ADGRL3: variants seen among roughly 807,000 people sequenced by gnomAD.
ADGRL3 encodes the protein adhesion G protein-coupled receptor L3.
In ADGRL3, 62 loss-of-function variants were observed where a neutral mutation model predicts 153.5. The ratio of observed to expected loss-of-function variants is 0.40; its 90% CI spans 0.33 to 0.50. The LOEUF is 0.50. ADGRL3 is among the 20% of genes least tolerant of loss of function. The pLI is 0.47. For missense variants in ADGRL3, 1,641 were observed against 1,859.4 expected (o/e 0.88, Z 2.16); for synonymous variants, 710 against 672.5 (o/e 1.06, Z -0.86).
chr4:61,733,599 T>C (rs760622724), intron 8 of ADGRL3, 45 bp downstream of exon 8: 1 of 1,340,582 alleles, frequency 7.5e-7, no homozygotes, highest in Non-Finnish European at 1.0e-6. Flanking sequence ...ATATTTACTG[T>C]TTGTTCTCAG....
chr4:61,776,275 C>A (rs922235516), intron 8 of ADGRL3, among the ~76,000 whole-genome samples: 1 of 152,094 alleles, frequency 6.6e-6, no homozygotes, highest in Non-Finnish European at 1.5e-5. Context: ...AGGCCTCACG[C>A]GCCGAAAAGG....
At chr4:61,974,387 GTTC>G (rs1384828298) in intron 17 of ADGRL3, among the ~76,000 whole-genome samples, 1 of 151,994 alleles carries the variant, frequency 6.6e-6, no homozygotes, top group Non-Finnish European at 1.5e-5. Flanking sequence ...ATTTTTTGGT[GTTC>G]TTAGTTAAAA....
chr4:61,392,898 A>G (rs969152429), intron 2 of ADGRL3, among the ~76,000 whole-genome samples: 1 of 151,868 alleles, frequency 6.6e-6, no homozygotes, highest in East Asian at 1.9e-4. Context: ...AATAAACACT[A>G]AAAATCATCA....
At chr4:61,954,694 C>G (rs1017839591) in intron 17 of ADGRL3, among the ~76,000 whole-genome samples, 1 of 152,026 alleles carries the variant, frequency 6.6e-6, no homozygotes, top group Non-Finnish European at 1.5e-5. Context: ...CCTAGTTAGA[C>G]CTAAGTGTCT....
Position 61,983,388 on chromosome 4 carries a change from C to T in ADGRL3, c.3021C>T (p.Ala1007=), listed in dbSNP as rs760259881. The T allele has an allele frequency of 6.8e-6, 11 of 1,613,082 alleles. No individual in the cohort carries two copies. The highest frequency in any genetic ancestry group is 9.3e-6 in the Non-Finnish European group (11 of 1,179,400). ...TCATTTGTTCCTTTTCCTAGATTGC[C>T]TGTGCTGTTTTCGCTGCCCTGTTAC... is the stretch of plus-strand genomic sequence containing the variant. ...IGINRTDQPI[A]CAVFAALLHF... is the part of the protein sequence containing the mutation. Residue 1007 remains alanine, a synonymous_variant, in exon 19 of 27, where the codon GCC becomes GCT. Coordinates refer to ENST00000683033, the MANE Select transcript of ADGRL3 (RefSeq NM_001387552.1).
intron 21 of ADGRL3, among the ~76,000 whole-genome samples, chr4:62,026,283 C>T (rs925843122): frequency 4.6e-5 from 7 of 152,106 alleles, no homozygotes; most frequent in Non-Finnish European, 1.0e-4. Context: ...ATGCCTAAGG[C>T]TCTGCATCAC....
intron 5 of ADGRL3, among the ~76,000 whole-genome samples, chr4:61,657,427 A>G (rs1238348730): frequency 6.6e-6 from 1 of 151,790 alleles, no homozygotes; most frequent in Non-Finnish European, 1.5e-5. Flanking sequence ...ATGTTTATTT[A>G]TCATTTCATA....
chr4:61,421,035 G>A (rs978785518), intron 2 of ADGRL3, among the ~76,000 whole-genome samples: 6 of 152,068 alleles, frequency 3.9e-5, no homozygotes, highest in Non-Finnish European at 8.8e-5. Context: ...TGCTGGCCGG[G>A]CACAGTGGCT....
intron 4 of ADGRL3, among the ~76,000 whole-genome samples, chr4:61,521,796 G>A (rs557041686): frequency 3.3e-4 from 50 of 152,022 alleles, no homozygotes; most frequent in African/African-American, 1.2e-3. Context: ...TGTAGGCAAG[G>A]AATAATGATG....
At chr4:61,585,260 C>A (rs571222659) in intron 4 of ADGRL3, among the ~76,000 whole-genome samples, 17 of 152,044 alleles carry the variant, frequency 1.1e-4, no homozygotes, top group African/African-American at 4.1e-4. Flanking sequence ...TGTTAACCTG[C>A]TAAGAAGTTT....
At chr4:61,456,750 A>G (rs1309051672) in intron 2 of ADGRL3, among the ~76,000 whole-genome samples, 1 of 151,668 alleles carries the variant, frequency 6.6e-6, no homozygotes, top group East Asian at 1.9e-4. Flanking sequence ...AATATGCGTA[A>G]GAAGTCATAA....
chr4:61,663,643 G>A (rs1261233571), intron 5 of ADGRL3, among the ~76,000 whole-genome samples: 3 of 152,190 alleles, frequency 2.0e-5, no homozygotes, highest in African/African-American at 7.2e-5. Flanking sequence ...CAAAACTCAG[G>A]CAAACATGCC....
At chr4:61,640,007 C>A (rs2093593950) in intron 5 of ADGRL3, among the ~76,000 whole-genome samples, 1 of 152,092 alleles carries the variant, frequency 6.6e-6, no homozygotes, top group African/African-American at 2.4e-5. Context: ...TTCCTGCTGA[C>A]AGCTGGAACC....
Position 61,217,142 on chromosome 4 carries a change from C to T in ADGRL3, c.-240+15377C>T, listed in dbSNP as rs540562794. 3.9e-5 allele frequency among the ~76,000 whole-genome samples: 6 copies of T among 152,314 alleles called. No individual in the cohort carries two copies. The South Asian group carries it at 1.2e-3, about 32-fold the overall frequency. On this transcript the variant is annotated intron_variant, in intron 1 of 26. Transcript: ENST00000683033. Reference sequence around the variant, plus strand: ...GCAGAAAGAGCCTCTGGCTTTATGGCACATGCAAAATCATGGAAATAAAGA... The same window carrying T: ...GCAGAAAGAGCCTCTGGCTTTATGGTACATGCAAAATCATGGAAATAAAGA...
At chr4:61,907,100 G>A (rs1021119179) in intron 11 of ADGRL3, among the ~76,000 whole-genome samples, 23 of 152,200 alleles carry the variant, frequency 1.5e-4, no homozygotes, top group Admixed American at 1.4e-3. Flanking sequence ...GACCCCAAGA[G>A]AGGGCTTTTG....
intron 9 of ADGRL3, among the ~76,000 whole-genome samples, chr4:61,871,141 G>A (rs973801469): frequency 5.9e-5 from 9 of 152,170 alleles, no homozygotes; most frequent in East Asian, 5.8e-4. Flanking sequence ...AGCCAGGTGT[G>A]GTGGCGAGTG....
intron 1 of ADGRL3, among the ~76,000 whole-genome samples, chr4:61,342,439 C>T (rs1344053027): frequency 6.6e-6 from 1 of 152,032 alleles, no homozygotes; most frequent in Non-Finnish European, 1.5e-5. Flanking sequence ...CGTACAGATA[C>T]AATTCTTTTA....
At chr4:61,425,912 T>C (rs958856353) in intron 2 of ADGRL3, among the ~76,000 whole-genome samples, 4 of 152,204 alleles carry the variant, frequency 2.6e-5, no homozygotes, top group African/African-American at 9.6e-5. Context: ...TTTAGGTGCA[T>C]TGAGGCAGGC....
At chr4:61,658,705 G>T (rs4860422) in intron 5 of ADGRL3, among the ~76,000 whole-genome samples, 53,547 of 151,784 alleles carry the variant, frequency 0.35, 9,913 homozygotes, top group East Asian at 0.53. Flanking sequence ...TTACCATCCT[G>T]TGTCAATTCC....
Sources: allele counts gnomAD v4.1 joint callset (sites outside exome capture counted in the v4.1 genomes callset), GRCh38; gene constraint gnomAD v4.1.1; transcripts MANE v1.5; gene names NCBI Gene and HGNC (gene_info 2026-07-23, HGNC 2026-07-21).